ZBED4: variants seen among roughly 807,000 people sequenced by gnomAD.
The protein encoded by ZBED4 is zinc finger BED-type containing 4.
Under a neutral mutation model 15.5 loss-of-function variants are expected in ZBED4, and 4 were observed. The ratio of observed to expected loss-of-function variants is 0.26; its 90% CI spans 0.13 to 0.59. The LOEUF (loss-of-function observed/expected upper bound fraction) is 0.59. ZBED4 is among the 20% of genes least tolerant of loss of function. ZBED4 has a pLI of 0.90. For synonymous variants in ZBED4, 692 were observed against 608.5 expected, an observed-to-expected ratio of 1.14 and a Z score of -2.02; for missense variants, 1,323 against 1,461.8, an observed-to-expected ratio of 0.91 and a Z score of 1.55.
intron 1 of ZBED4, among the ~76,000 whole-genome samples, chr22:49,869,241 C>T (rs2147517523): frequency 6.6e-6 from 1 of 152,210 alleles, no homozygotes; most frequent in Middle Eastern, 3.4e-3. Flanking sequence ...TTCACGTACA[C>T]ACATGCATGT....
Position 49,886,238 on chromosome 22 carries a change from G to A in ZBED4, c.2576G>A (p.Arg859Gln), listed in dbSNP as rs768882978. Residue 859 changes from arginine to glutamine, a missense_variant, in exon 2 of 2, where the codon CGG becomes CAG. By Grantham distance (43) the Arg-to-Gln change is conservative (BLOSUM62 1). This residue lies in a region of ZBED4 where 100 missense variants were observed against 79.3 expected (regional missense o/e 1.26). Transcript: ENST00000216268. The surrounding 1 kb of genome is among the most constrained non-coding windows in gnomAD (Gnocchi z 7.7). Reference protein sequence around the residue: ...LLSLARKICERVHRSPKAKEK... With the variant: ...LLSLARKICEQVHRSPKAKEK... Reference sequence around the variant, plus strand: ...AGCCTCGCCCGGAAGATCTGCGAGCGGGTGCACCGGTCGCCCAAGGCGAAG... The same window carrying A: ...AGCCTCGCCCGGAAGATCTGCGAGCAGGTGCACCGGTCGCCCAAGGCGAAG... The A allele has an allele frequency of 7.3e-6, 7 of 965,148 alleles. No homozygotes were observed. The highest frequency in any genetic ancestry group is 1.5e-5 in the South Asian group (1 of 68,764). 59.8% of individuals were successfully genotyped at this position (965,148 alleles called of 1,614,324 possible).
rs1223264899 is a variant in ZBED4 at position 49,885,520 on chromosome 22, G to C, written c.1858G>C (p.Ala620Pro). The C allele has an allele frequency of 3.7e-6, 6 of 1,609,138 alleles. No individual in the cohort carries two copies. The highest frequency in any genetic ancestry group is 5.1e-6 in the Non-Finnish European group (6 of 1,175,826). Residue 620 changes from alanine (A) to proline (P), a missense_variant, in exon 2 of 2, where the codon GCT becomes CCT. This residue lies in a region of ZBED4 where 429 missense variants were observed against 397.9 expected (regional missense o/e 1.08). Coordinates refer to ENST00000216268, the MANE Select transcript of ZBED4 (RefSeq NM_014838.3). ...NVLKTEVSET[A>P]RPSSPDTRVP... ...GCTGAAAACTGAGGTCTCGGAGACG[G>C]CTCGGCCCTCCTCTCCGGACACCCG...
intron 1 of ZBED4, among the ~76,000 whole-genome samples, chr22:49,873,629 C>G (rs1231444830): frequency 7.4e-6 from 1 of 134,574 alleles, no homozygotes; most frequent in African/African-American, 4.0e-5. Context: ...TTGCCACAAA[C>G]CTCCAATTTG....
chr22:49,872,071 G>A (rs574298053), intron 1 of ZBED4, among the ~76,000 whole-genome samples: 2 of 152,214 alleles, frequency 1.3e-5, no homozygotes, highest in Admixed American at 6.5e-5. Context: ...AGACAATGAA[G>A]TTTGCTACAT....
intron 1 of ZBED4, among the ~76,000 whole-genome samples, chr22:49,868,738 G>A (rs999320251): frequency 3.9e-5 from 6 of 152,218 alleles, no homozygotes; most frequent in East Asian, 1.9e-4. Flanking sequence ...CAGCTACTTC[G>A]TGCATGTGTT....
intron 1 of ZBED4, among the ~76,000 whole-genome samples, chr22:49,865,013 T>C (rs1053515801): frequency 7.7e-6 from 1 of 129,524 alleles, no homozygotes; most frequent in Non-Finnish European, 1.6e-5. Context: ...CAAACCCTTA[T>C]TCAGTCCTAG....
Position 49,884,194 on chromosome 22 carries a change from G to A in ZBED4, c.532G>A (p.Ala178Thr). The change falls in exon 2 of 2, where the codon GCC becomes ACC. Residue 178 changes from alanine (A) to threonine (T), a missense_variant. Transcript: ENST00000216268. ...VLIQENGSVS[A>T]VSSFPSPSLL... The stretch of plus-strand genomic sequence containing the variant: ...CATTCAGGAAAATGGCAGTGTGTCT[G>A]CCGTGTCCTCGTTCCCCTCTCCCTC... 1.2e-6 allele frequency: 2 copies of A among 1,608,420 alleles called. No individual in the cohort carries two copies. The highest frequency in any genetic ancestry group is 1.7e-6 in the Non-Finnish European group (2 of 1,176,446).
At position 49,886,139 on chromosome 22, in the gene ZBED4, A is replaced by G. The variant is rs771263078; in HGVS notation, c.2477A>G (p.Gln826Arg). 4 of 686,912 alleles carry G rather than the reference A, an allele frequency of 5.8e-6. No homozygotes were observed. The highest frequency in any genetic ancestry group is 1.1e-5 in the Non-Finnish European group (4 of 374,352). 42.6% of individuals were successfully genotyped at this position (686,912 alleles called of 1,614,324 possible). Residue 826 changes from glutamine to arginine, a missense_variant, in exon 2 of 2, where the codon CAG becomes CGG. Around this residue, in one of 6 missense-constraint regions of ZBED4, gnomAD observed 100 missense variants for 79.3 expected, o/e 1.26. Transcript: ENST00000216268. This position sits in a 1 kb window ranked among gnomAD's most constrained non-coding sequence, Gnocchi z 7.7. ...AACGAGGGGGAGCACTCGAGCGTGCAGTGCTTCAGCCATACGGTGAACCTG... is the reference window on the plus strand; with the variant it reads ...AACGAGGGGGAGCACTCGAGCGTGCGGTGCTTCAGCCATACGGTGAACCTG... Reference protein sequence around the residue: ...TLNEGEHSSVQCFSHTVNLIV... With the variant: ...TLNEGEHSSVRCFSHTVNLIV...
chr22:49,876,323 T>A (rs2060376198), intron 1 of ZBED4, among the ~76,000 whole-genome samples: 1 of 152,214 alleles, frequency 6.6e-6, no homozygotes. Context: ...ATCTTCCGTG[T>A]CTTTACTGAT....
rs2060442199 is a variant in ZBED4 at position 49,886,818 on chromosome 22, C to T, written c.3156C>T (p.Gly1052=). 1 of 1,613,492 alleles carries T rather than the reference C, an allele frequency of 6.2e-7. No homozygotes were observed. Among genetic ancestry groups the T allele is most frequent in the Non-Finnish European group, 8.5e-7 (1 of 1,179,864 alleles). ...CTGCCTCCCACAGGTGTGATGCTGG[C>T]TCCCCGTCGAAAGACTCTGCCGCAG... ...DVAASHRCDA[G]SPSKDSAAEE... The change falls in exon 2 of 2, where the codon GGC becomes GGT. Residue 1052 remains glycine, a synonymous_variant. Coordinates refer to ENST00000216268, the MANE Select transcript of ZBED4 (RefSeq NM_014838.3). The surrounding 1 kb of genome is among the most constrained non-coding windows in gnomAD (Gnocchi z 7.7).
In ZBED4 at chr22:49,885,589, G is replaced by A; in HGVS notation, c.1927G>A (p.Asp643Asn). ...TELSGASSFD[D>N]TNEKFYDSHP... ...ATTATCAGGCGCTTCCTCTTTTGAT[G>A]ACACCAATGAGAAGTTTTACGATTC... Residue 643 changes from aspartate (D) to asparagine (N), a missense_variant, in exon 2 of 2, where the codon GAC becomes AAC. This residue lies in a region of ZBED4 where 429 missense variants were observed against 397.9 expected (regional missense o/e 1.08). Transcript: ENST00000216268. 2 of 1,605,614 alleles carry A rather than the reference G, an allele frequency of 1.2e-6. No homozygotes were observed. Among genetic ancestry groups the A allele is most frequent in the Non-Finnish European group, 1.7e-6 (2 of 1,173,500 alleles).
chr22:49,869,005 T>C (rs1601789503), intron 1 of ZBED4, among the ~76,000 whole-genome samples: 1 of 150,148 alleles, frequency 6.7e-6, no homozygotes, highest in African/African-American at 2.5e-5. Flanking sequence ...ATGCCTGTAA[T>C]CCGAGCTGCT....
At chr22:49,883,029 A>G (rs1055711769) in intron 1 of ZBED4, among the ~76,000 whole-genome samples, 3 of 152,242 alleles carry the variant, frequency 2.0e-5, no homozygotes, top group Non-Finnish European at 4.4e-5. Context: ...TGTTTGAAGG[A>G]TGAGGGCATA....
Position 49,886,851 on chromosome 22 carries a change from C to T in ZBED4, c.3189C>T (p.Asn1063=), listed in dbSNP as rs1360008028. 1 of 1,614,028 alleles carries T rather than the reference C, an allele frequency of 6.2e-7. No individual in the cohort carries two copies. The highest frequency in any genetic ancestry group is 8.5e-7 in the Non-Finnish European group (1 of 1,180,022). Residue 1063 remains asparagine, a synonymous_variant, in exon 2 of 2, where the codon AAC becomes AAT. Transcript: ENST00000216268. This position sits in a 1 kb window ranked among gnomAD's most constrained non-coding sequence, Gnocchi z 7.7. ...CGAAAGACTCTGCCGCAGAGGAGAA[C>T]CTGTGGTCACTTGTGGCCAAGGTGA... ...SPSKDSAAEE[N]LWSLVAKVKK... is the part of the protein sequence containing the mutation.
At chr22:49,865,267 G>A (rs770616707) in intron 1 of ZBED4, among the ~76,000 whole-genome samples, 1 of 152,060 alleles carries the variant, frequency 6.6e-6, no homozygotes, top group Non-Finnish European at 1.5e-5. Context: ...GTAAACAGAT[G>A]GTGTCGTTAT....
chr22:49,856,633 CCCGGCCGG>C (rs879432196), intron 1 of ZBED4, among the ~76,000 whole-genome samples: 100,739 of 149,660 alleles, frequency 0.67, 43,533 homozygotes, highest in East Asian at 0.86. Flanking sequence ...ACACTGGAAT[CCCGGCCGG>C]CTTCCCATCC....
chr22:49,882,280 A>G (rs2060413406), intron 1 of ZBED4, among the ~76,000 whole-genome samples: 1 of 152,104 alleles, frequency 6.6e-6, no homozygotes. Context: ...TGGTGGGCGC[A>G]TTGGCTCGCG....
At chr22:49,866,535 C>G (rs951005194) in intron 1 of ZBED4, among the ~76,000 whole-genome samples, 4 of 152,100 alleles carry the variant, frequency 2.6e-5, no homozygotes, top group African/African-American at 9.7e-5. Flanking sequence ...GACCTATAAT[C>G]TCACATCAGA....
upstream of ZBED4, chr22:49,853,773 T>C (rs2060261652): frequency 6.9e-6 from 1 of 143,964 alleles, no homozygotes; most frequent in African/African-American, 2.6e-5. Context: ...CCTGCGAGAG[T>C]AGGCCCCGCC....
Sources: allele counts gnomAD v4.1 joint callset (sites outside exome capture counted in the v4.1 genomes callset), GRCh38; gene constraint gnomAD v4.1.1; regional missense constraint gnomAD v4.1.1; non-coding constraint Gnocchi (gnomAD v3.1); transcripts MANE v1.5; gene names NCBI Gene and HGNC (gene_info 2026-07-23, HGNC 2026-07-21).